P4HA1: variants seen among roughly 807,000 people sequenced by gnomAD.
The protein encoded by P4HA1 is prolyl 4-hydroxylase subunit alpha 1, also known as prolyl 4-hydroxylase subunit alpha-1.
A neutral mutation model predicts 72.8 loss-of-function variants in P4HA1; 24 were observed. The observed-to-expected ratio is 0.33, with a 90% confidence interval of 0.24 to 0.46. The LOEUF is 0.46. Among genes scored for constraint, P4HA1 ranks in the 20% least tolerant of loss-of-function variants. P4HA1 has a pLI of 1.00. For missense variants in P4HA1, 446 were observed against 640.6 expected (o/e 0.70, Z 3.28); for synonymous variants, 201 against 218.8 (o/e 0.92, Z 0.72).
chr10:73,032,676 A>G (rs1184572807), intron 9 of P4HA1, among the ~76,000 whole-genome samples: 3 of 152,188 alleles, frequency 2.0e-5, no homozygotes, highest in Admixed American at 6.5e-5. Flanking sequence ...AAGACTCTGG[A>G]TATCACCTTA....
chr10:73,035,303 G>A (rs1840543982), intron 9 of P4HA1, among the ~76,000 whole-genome samples: 1 of 151,838 alleles, frequency 6.6e-6, no homozygotes, highest in African/African-American at 2.4e-5. Flanking sequence ...ATCGTTTGGG[G>A]ATAGGAGTTG....
intron 10 of P4HA1, among the ~76,000 whole-genome samples, chr10:73,025,846 A>C (rs2133053845): frequency 6.6e-6 from 1 of 152,256 alleles, no homozygotes; most frequent in Admixed American, 6.5e-5. Context: ...TCATGAGTGA[A>C]CTCCCATTCA....
chr10:73,044,885 G>T, intron 9 of P4HA1, 96 bp downstream of exon 9: 2 of 925,068 alleles, frequency 2.2e-6, no homozygotes, highest in South Asian at 3.1e-5. Flanking sequence ...TTGAGCTGGT[G>T]ACTGAAAATG....
At chr10:73,012,704 C>T (rs1473567089) in intron 12 of P4HA1, among the ~76,000 whole-genome samples, 1 of 151,552 alleles carries the variant, frequency 6.6e-6, no homozygotes, top group Admixed American at 6.6e-5. Context: ...ATACTACAGA[C>T]AACAAAAAGA....
chr10:73,071,841 A>C (rs1163417973), intron 4 of P4HA1, among the ~76,000 whole-genome samples, 188 bp downstream of exon 4: 1 of 152,224 alleles, frequency 6.6e-6, no homozygotes, highest in Non-Finnish European at 1.5e-5. Context: ...AAAAGAAATT[A>C]CTTCTTTTTT....
intron 5 of P4HA1, 84 bp downstream of exon 5, chr10:73,068,762 T>C: frequency 9.1e-7 from 1 of 1,101,740 alleles, no homozygotes; most frequent in Non-Finnish European, 1.3e-6. Flanking sequence ...AAAATGCAAG[T>C]CTTTTTTATA....
At chr10:73,082,276 T>C (rs1273136093) in intron 1 of P4HA1, among the ~76,000 whole-genome samples, 6 of 152,172 alleles carry the variant, frequency 3.9e-5, no homozygotes, top group Admixed American at 2.0e-4. Context: ...TCAAGGAGCA[T>C]CTATATTTAC....
At chr10:73,056,789 C>T (rs535305203) in intron 5 of P4HA1, among the ~76,000 whole-genome samples, 4 of 150,350 alleles carry the variant, frequency 2.7e-5, no homozygotes, top group East Asian at 2.0e-4. Flanking sequence ...AGGCCGAGTG[C>T]GTGGCTCACG....
intron 10 of P4HA1, among the ~76,000 whole-genome samples, chr10:73,025,132 A>G (rs1459375153): frequency 6.6e-6 from 1 of 152,222 alleles, no homozygotes; most frequent in East Asian, 1.9e-4. Context: ...AACTCATTTT[A>G]TGAGGCCAGT....
intron 1 of P4HA1, among the ~76,000 whole-genome samples, chr10:73,079,567 C>T (rs1252650451): frequency 6.6e-6 from 1 of 152,088 alleles, no homozygotes; most frequent in African/African-American, 2.4e-5. Flanking sequence ...CATGGTGAAA[C>T]CCCGTCTCTA....
At position 73,082,921 on chromosome 10, in the gene P4HA1, A is replaced by C; in HGVS notation, c.-32-8006T>G. Reference sequence around the variant, plus strand: ...CTTGCAAAGAGAATCATTATAGAACATTTAAGAGTCAAGTATCCCAAAAGA... The same window carrying C: ...CTTGCAAAGAGAATCATTATAGAACCTTTAAGAGTCAAGTATCCCAAAAGA... On this transcript the variant is annotated intron_variant, in intron 1 of 14. Coordinates refer to ENST00000394890, the MANE Select transcript of P4HA1 (RefSeq NM_001017962.3). Among the ~76,000 whole-genome samples, 2 of 55,650 alleles carry C rather than the reference A, an allele frequency of 3.6e-5. 1 individual carries two copies. Among genetic ancestry groups the C allele is most frequent in the South Asian group, 1.9e-3 (2 of 1,036 alleles). 36.5% of individuals were successfully genotyped at this position (55,650 alleles called of 152,430 possible). A position where few individuals can be genotyped will look rare whatever the true frequency, so the allele number is the denominator to read the frequency against.
chr10:73,081,683 T>C (rs766817141), intron 1 of P4HA1, among the ~76,000 whole-genome samples: 100 of 152,122 alleles, frequency 6.6e-4, no homozygotes, highest in Non-Finnish European at 6.9e-4. Context: ...CATAGGACAG[T>C]TTGACTTAGG....
At chr10:73,085,130 G>A (rs1371485258) in intron 1 of P4HA1, among the ~76,000 whole-genome samples, 1 of 150,400 alleles carries the variant, frequency 6.6e-6, no homozygotes, top group Non-Finnish European at 1.5e-5. Flanking sequence ...GACAGAGTGA[G>A]TCCATCTCAT....
At chr10:73,055,019 G>A (rs574813092) in intron 5 of P4HA1, among the ~76,000 whole-genome samples, 13 of 152,274 alleles carry the variant, frequency 8.5e-5, no homozygotes, top group African/African-American at 3.1e-4. Flanking sequence ...AAGGCCAGGA[G>A]TTTGAGACGA....
chr10:73,055,273 C>T (rs1426521686), intron 5 of P4HA1, among the ~76,000 whole-genome samples: 2 of 152,194 alleles, frequency 1.3e-5, no homozygotes, highest in Non-Finnish European at 2.9e-5. Flanking sequence ...GACACGATCT[C>T]AGCTCACTGC....
chr10:73,027,235 T>C (rs1840295915), intron 10 of P4HA1, among the ~76,000 whole-genome samples: 1 of 152,180 alleles, frequency 6.6e-6, no homozygotes, highest in Non-Finnish European at 1.5e-5. Flanking sequence ...TAAGAAAATG[T>C]GGCACATGTA....
At chr10:73,066,862 T>C (rs1259502585) in intron 5 of P4HA1, among the ~76,000 whole-genome samples, 1 of 152,122 alleles carries the variant, frequency 6.6e-6, no homozygotes, top group Non-Finnish European at 1.5e-5. Context: ...CCTTCTGCCA[T>C]GATTGTGAGT....
chr10:73,085,988 T>C (rs372371858), intron 1 of P4HA1, among the ~76,000 whole-genome samples: 4 of 152,140 alleles, frequency 2.6e-5, no homozygotes, highest in Non-Finnish European at 2.9e-5. Context: ...ATGGGCAACA[T>C]AGTAAGACTT....
intron 11 of P4HA1, among the ~76,000 whole-genome samples, chr10:73,014,721 A>G (rs781247720): frequency 6.6e-6 from 1 of 152,190 alleles, no homozygotes; most frequent in Non-Finnish European, 1.5e-5. Context: ...CTTCTAAAAA[A>G]TATGACTTGA....
Sources: gnomAD v4.1 joint callset for allele counts (sites outside exome capture counted in the v4.1 genomes callset) on GRCh38, gnomAD v4.1.1 for gene constraint, MANE v1.5 for transcripts, NCBI Gene and HGNC (gene_info 2026-07-23, HGNC 2026-07-21) for gene names.